Variants in POLA1 observed in about 807,000 individuals in gnomAD.
POLA1 encodes the protein DNA polymerase alpha catalytic subunit.
In POLA1, 15 loss-of-function variants were observed where a neutral mutation model predicts 124.0. The ratio of observed to expected loss-of-function variants is 0.12; its 90% CI spans 0.08 to 0.19. The LOEUF (loss-of-function observed/expected upper bound fraction) is 0.19. Ranked by LOEUF, POLA1 falls within the 10% of genes least tolerant of loss-of-function variation. POLA1 has a pLI of 1.00. For synonymous variants in POLA1, 408 were observed against 389.4 expected (o/e 1.05, Z -0.56); for missense variants, 886 against 1,103.4 (o/e 0.80, Z 2.79).
At chrX:24,911,733 A>T (rs1229761773) in intron 35 of POLA1, among the ~76,000 whole-genome samples, 1 of 111,530 alleles carries the variant, frequency 9.0e-6, no homozygotes, top group African/African-American at 3.3e-5. Context: ...AAGAGAGAAG[A>T]TACAAATCAG....
Position 24,703,254 on chromosome X carries a change from G to A in POLA1, c.172G>A (p.Glu58Lys). The change falls in exon 3 of 37, where the codon GAG (glutamate) becomes AAG (lysine). Residue 58 changes from glutamate (E) to lysine (K), a missense_variant. This residue lies in a region of POLA1 where 4 missense variants were observed against 16.6 expected (regional missense o/e 0.24). Coordinates refer to ENST00000379068, the MANE Select transcript of POLA1 (RefSeq NM_001330360.2). Reference sequence around the variant, plus strand: ...CCTGAAACTTGTATAATGGTAGGTCGAGGACTTCACAGGTGTTTATGAAGA... The same window carrying A: ...CCTGAAACTTGTATAATGGTAGGTCAAGGACTTCACAGGTGTTTATGAAGA... Reference protein sequence around the residue: ...KAGEKYKYEVEDFTGVYEEVD... With the variant: ...KAGEKYKYEVKDFTGVYEEVD... The A allele has an allele frequency of 8.4e-7, 1 of 1,191,143 alleles. No homozygotes were observed. Among genetic ancestry groups the A allele is most frequent in the Non-Finnish European group, 1.1e-6 (1 of 878,431 alleles).
At chrX:24,857,149 C>A (rs2046656368) in intron 34 of POLA1, among the ~76,000 whole-genome samples, 1 of 111,477 alleles carries the variant, frequency 9.0e-6, no homozygotes, top group Non-Finnish European at 1.9e-5. Flanking sequence ...CTGTGTGTGT[C>A]CAGTTGTTCC....
intron 35 of POLA1, among the ~76,000 whole-genome samples, chrX:24,891,031 T>C (rs1449118128): frequency 8.9e-6 from 1 of 112,512 alleles, no homozygotes. Context: ...GTTTTATGAT[T>C]GCATTCTTGG....
chrX:24,765,092 C>T (rs1052325507), intron 26 of POLA1, among the ~76,000 whole-genome samples: 2 of 110,645 alleles, frequency 1.8e-5, no homozygotes, highest in Non-Finnish European at 3.8e-5. Context: ...CACCTGCACC[C>T]CTGCTTTAGT....
In POLA1 at chrX:24,826,520, G is replaced by A. The variant is rs1040858124; in HGVS notation, c.3655G>A (p.Ala1219Thr). ...AACCATTGACACCCAGTACTACCTG[G>A]CCCAGCAGATCCACCCAGTCGTGGC... is the stretch of plus-strand genomic sequence containing the variant. ...NLTIDTQYYL[A>T]QQIHPVVARI... Residue 1219 changes from alanine to threonine, a missense_variant, in exon 32 of 37, where the codon GCC (alanine) becomes ACC (threonine). Around this residue, in one of 7 missense-constraint regions of POLA1, gnomAD observed 313 missense variants for 359.7 expected, o/e 0.87. Coordinates refer to ENST00000379068, the MANE Select transcript of POLA1 (RefSeq NM_001330360.2). 1 of 1,203,991 alleles carries A rather than the reference G, an allele frequency of 8.3e-7. No individual in the cohort carries two copies. The highest frequency in any genetic ancestry group is 3.0e-5 in the East Asian group (1 of 33,650).
intron 15 of POLA1, 58 bp from the exon 16 acceptor site, chrX:24,732,312 G>T: frequency 1.4e-6 from 1 of 720,736 alleles, no homozygotes. Context: ...ATTTTGGTGA[G>T]AATGCAGAAT....
At chrX:24,818,402 A>T (rs943330309) in intron 30 of POLA1, among the ~76,000 whole-genome samples, 11 of 111,775 alleles carry the variant, frequency 9.8e-5, no homozygotes, top group African/African-American at 3.6e-4. Flanking sequence ...GTCCAAGACA[A>T]TCAAAACTTC....
intron 34 of POLA1, among the ~76,000 whole-genome samples, chrX:24,879,244 A>G (rs1208721477): frequency 1.8e-5 from 2 of 111,402 alleles, no homozygotes; most frequent in African/African-American, 6.5e-5. Flanking sequence ...CCATTTTACC[A>G]TCTCATTCTA....
At chrX:24,706,301 G>A (rs1431440085) in intron 4 of POLA1, among the ~76,000 whole-genome samples, 1 of 111,602 alleles carries the variant, frequency 9.0e-6, no homozygotes, top group Non-Finnish European at 1.9e-5. Context: ...AGTCTTTGAG[G>A]ATTTCCTTGC....
At chrX:24,796,961 C>A (rs1198066392) in intron 26 of POLA1, among the ~76,000 whole-genome samples, 1 of 111,847 alleles carries the variant, frequency 8.9e-6, no homozygotes, top group African/African-American at 3.3e-5. Flanking sequence ...CTATCTCTTC[C>A]TAATGCCTCA....
At chrX:24,906,840 A>G (rs1002410248) in intron 35 of POLA1, among the ~76,000 whole-genome samples, 1 of 111,913 alleles carries the variant, frequency 8.9e-6, no homozygotes, top group Non-Finnish European at 1.9e-5. Flanking sequence ...TCAATCATAG[A>G]ATGGAGACGA....
intron 34 of POLA1, among the ~76,000 whole-genome samples, chrX:24,852,994 G>A (rs1014549494): frequency 2.4e-4 from 27 of 112,346 alleles, no homozygotes; most frequent in African/African-American, 8.7e-4. Flanking sequence ...ACATCTATAT[G>A]TATACTAACG....
intron 35 of POLA1, among the ~76,000 whole-genome samples, chrX:24,929,771 GTA>G (rs1036623705): frequency 8.9e-6 from 1 of 112,325 alleles, no homozygotes; most frequent in African/African-American, 3.2e-5. Context: ...GGAATGTTTA[GTA>G]TATGTTTGCT....
intron 26 of POLA1, among the ~76,000 whole-genome samples, chrX:24,785,899 C>A (rs1269039472): frequency 8.9e-6 from 1 of 112,208 alleles, no homozygotes; most frequent in Non-Finnish European, 1.9e-5. Flanking sequence ...CTCTTCTACT[C>A]TCTGCTTCTT....
intron 35 of POLA1, among the ~76,000 whole-genome samples, chrX:24,899,234 C>T (rs2047242940): frequency 9.0e-6 from 1 of 111,443 alleles, no homozygotes; most frequent in African/African-American, 3.3e-5. Flanking sequence ...TTTTATTCAT[C>T]GTGACTTTCT....
At chrX:24,739,735 G>A (rs1208305960) in intron 20 of POLA1, among the ~76,000 whole-genome samples, 185 bp downstream of exon 20, 2 of 111,882 alleles carry the variant, frequency 1.8e-5, no homozygotes, top group Non-Finnish European at 1.9e-5. Context: ...GTTTATCTCC[G>A]TCTCCCTCAC....
chrX:24,931,392 C>T (rs2047777367), intron 36 of POLA1, among the ~76,000 whole-genome samples: 1 of 111,809 alleles, frequency 8.9e-6, no homozygotes, highest in African/African-American at 3.3e-5. Flanking sequence ...TGCTAGATTT[C>T]CCCGCATAAG....
intron 35 of POLA1, among the ~76,000 whole-genome samples, chrX:24,903,855 A>G (rs974983283): frequency 1.8e-5 from 2 of 110,873 alleles, no homozygotes; most frequent in Non-Finnish European, 3.8e-5. Context: ...GAGCAGTTAC[A>G]TGGAGACCGA....
intron 36 of POLA1, among the ~76,000 whole-genome samples, chrX:24,937,836 A>G (rs902158947): frequency 8.9e-6 from 1 of 112,531 alleles, no homozygotes; most frequent in Non-Finnish European, 1.9e-5. Context: ...TTATTCATTC[A>G]TTGATTAGGG....
Sources: allele counts gnomAD v4.1 joint callset (sites outside exome capture counted in the v4.1 genomes callset), GRCh38; gene constraint gnomAD v4.1.1; regional missense constraint gnomAD v4.1.1; transcripts MANE v1.5; gene names NCBI Gene and HGNC (gene_info 2026-07-23, HGNC 2026-07-21).